The following RORB variants were observed in gnomAD, a reference collection of about 807,000 sequenced individuals.
RORB encodes RAR related orphan receptor B, also known as nuclear receptor ROR-beta.
RORB carries 6 observed loss-of-function variants against 59.1 expected under a neutral mutation model. The ratio of observed to expected loss-of-function variants is 0.10; its 90% CI spans 0.06 to 0.20. RORB has a LOEUF of 0.20. RORB is among the 10% of genes least tolerant of loss of function. The pLI is 1.00. For synonymous variants in RORB, 215 were observed against 204.5 expected (o/e 1.05, Z -0.44); for missense variants, 320 against 560.5 (o/e 0.57, Z 4.33).
chr9:74,533,867 C>A (rs1159932520), intron 1 of RORB, among the ~76,000 whole-genome samples: 2 of 152,066 alleles, frequency 1.3e-5, no homozygotes, highest in South Asian at 2.1e-4. Context: ...TAATGACATT[C>A]TTGAAAAAAA....
intron 1 of RORB, among the ~76,000 whole-genome samples, chr9:74,552,719 C>A (rs1161327271): frequency 2.0e-5 from 3 of 151,974 alleles, no homozygotes; most frequent in Non-Finnish European, 4.4e-5. Context: ...ATATCATGCA[C>A]GGTGCACCCT....
In RORB at chr9:74,690,537, C is replaced by T. The variant is rs1824724878; in HGVS notation, c.*4919C>T. On this transcript the variant is annotated 3_prime_UTR_variant, in exon 10 of 10. Coordinates refer to ENST00000376896, the MANE Select transcript of RORB (RefSeq NM_006914.4). Reference sequence around the variant, plus strand: ...CTTAGTGCAGACCAAACAAATACATCACTGAGCAGAAGAGGGCCCATAGAT... The same window carrying T: ...CTTAGTGCAGACCAAACAAATACATTACTGAGCAGAAGAGGGCCCATAGAT... The T allele has an allele frequency of 1.3e-5, 2 of 152,320 alleles. No individual in the cohort carries two copies. The highest frequency in any genetic ancestry group is 4.1e-4 in the South Asian group (2 of 4,828). 9.4% of individuals were successfully genotyped at this position (152,320 alleles called of 1,614,324 possible).
chr9:74,544,410 G>A (rs1826458199), intron 1 of RORB, among the ~76,000 whole-genome samples: 1 of 152,218 alleles, frequency 6.6e-6, no homozygotes, highest in African/African-American at 2.4e-5. Context: ...AGGGGGAAGG[G>A]ATGTGCTCCA....
chr9:74,672,331 G>C (rs928021460), intron 9 of RORB, among the ~76,000 whole-genome samples: 1 of 152,158 alleles, frequency 6.6e-6, no homozygotes, highest in East Asian at 1.9e-4. Context: ...ATTGTTGTAT[G>C]GGGGGTGGAC....
At chr9:74,615,752 G>A (rs1033861900) in intron 1 of RORB, 5 of 293,518 alleles carry the variant, frequency 1.7e-5, no homozygotes, top group South Asian at 2.7e-5. Context: ...GCTAGGTGTG[G>A]GGACAAAAAA....
intron 2 of RORB, among the ~76,000 whole-genome samples, chr9:74,632,258 A>C (rs2118423114): frequency 6.6e-6 from 1 of 152,348 alleles, no homozygotes; most frequent in East Asian, 1.9e-4. Flanking sequence ...AAGAATCCAC[A>C]ATCAAAGAAA....
chr9:74,529,432 C>A (rs530728373), intron 1 of RORB, among the ~76,000 whole-genome samples: 228 of 151,758 alleles, frequency 1.5e-3, no homozygotes, highest in African/African-American at 5.0e-3. Flanking sequence ...AGTTTCTGCT[C>A]CTTGTAGGAT....
intron 1 of RORB, among the ~76,000 whole-genome samples, chr9:74,536,948 T>G (rs532834091): frequency 6.6e-6 from 1 of 152,156 alleles, no homozygotes; most frequent in Non-Finnish European, 1.5e-5. Context: ...AATATCGCAC[T>G]TTTATTCTTT....
At chr9:74,583,977 G>A (rs1174832486) in intron 1 of RORB, among the ~76,000 whole-genome samples, 2 of 151,792 alleles carry the variant, frequency 1.3e-5, no homozygotes, top group Admixed American at 1.3e-4. Flanking sequence ...TGTGTAGAAC[G>A]GGTACAAAAA....
chr9:74,586,712 A>G (rs914640275), intron 1 of RORB, among the ~76,000 whole-genome samples: 4 of 151,138 alleles, frequency 2.6e-5, no homozygotes, highest in Non-Finnish European at 4.4e-5. Flanking sequence ...AAGTTGGAAT[A>G]TTTTCTCTAA....
rs573262615 is a variant in RORB at position 74,681,550 on chromosome 9, C to G, written c.1225-3913C>G. On this transcript the variant is annotated intron_variant, in intron 9 of 9. Coordinates refer to ENST00000376896, the MANE Select transcript of RORB (RefSeq NM_006914.4). ...TTTAACAGAAAGCAATTCTCACCAT[C>G]CAGCCCATTCTATAGATGAGCAACA... 3.9e-5 allele frequency among the ~76,000 whole-genome samples: 6 copies of G among 152,324 alleles called. No individual in the cohort carries two copies. The South Asian group carries it at 1.2e-3, about 32-fold the overall frequency.
chr9:74,676,424 G>C (rs567986348), intron 9 of RORB, among the ~76,000 whole-genome samples: 1 of 152,204 alleles, frequency 6.6e-6, no homozygotes, highest in Non-Finnish European at 1.5e-5. Flanking sequence ...ATCCCTCAGA[G>C]GCAAAGCCCA....
chr9:74,652,035 T>G (rs965003038), intron 4 of RORB, among the ~76,000 whole-genome samples: 1 of 152,208 alleles, frequency 6.6e-6, no homozygotes, highest in Admixed American at 6.5e-5. Flanking sequence ...GCTTGTAATT[T>G]TTTCCCTGCT....
intron 1 of RORB, among the ~76,000 whole-genome samples, chr9:74,530,309 C>A (rs1479939333): frequency 6.6e-6 from 1 of 151,964 alleles, no homozygotes; most frequent in Non-Finnish European, 1.5e-5. Flanking sequence ...TTGGTGTACC[C>A]TGAATTTGAA....
At chr9:74,646,641 A>T (rs778388300) in intron 4 of RORB, among the ~76,000 whole-genome samples, 31 of 130,438 alleles carry the variant, frequency 2.4e-4, no homozygotes, top group Non-Finnish European at 4.9e-4. Context: ...AGAGTCTGAG[A>T]CAGTGAGTGA....
intron 1 of RORB, among the ~76,000 whole-genome samples, chr9:74,555,901 A>C (rs2118177655): frequency 6.6e-6 from 1 of 152,362 alleles, no homozygotes; most frequent in South Asian, 2.1e-4. Flanking sequence ...GTCACTTCTC[A>C]AGTTCATACA....
chr9:74,514,701 A>C (rs1278345467), intron 1 of RORB, among the ~76,000 whole-genome samples: 1 of 149,248 alleles, frequency 6.7e-6, no homozygotes, highest in Non-Finnish European at 1.5e-5. Flanking sequence ...TATATACGTA[A>C]AATGAATGAT....
At chr9:74,635,956 C>CAAA (rs11364568) in intron 3 of RORB, among the ~76,000 whole-genome samples, 28,397 of 131,146 alleles carry the variant, frequency 0.22, 3,145 homozygotes, top group African/African-American at 0.27. Flanking sequence ...CAAATTTGAC[C>CAAA]AAAAAAAAAA....
chr9:74,671,759 C>A, intron 8 of RORB, 30 bp from the exon 9 acceptor site: 1 of 1,400,640 alleles, frequency 7.1e-7, no homozygotes, highest in Non-Finnish European at 1.0e-6. Context: ...GTTGATGTTC[C>A]CTCCACTTAC....
Sources: gnomAD v4.1 joint callset for allele counts (sites outside exome capture counted in the v4.1 genomes callset) on GRCh38, gnomAD v4.1.1 for gene constraint, MANE v1.5 for transcripts, NCBI Gene and HGNC (gene_info 2026-07-23, HGNC 2026-07-21) for gene names.